The following LRP1B variants were observed in gnomAD, a reference collection of about 807,000 sequenced individuals.
The protein encoded by LRP1B is low-density lipoprotein receptor-related protein 1B.
In LRP1B, 217 loss-of-function variants were observed where a neutral mutation model predicts 556.6. That is an observed-to-expected ratio of 0.39 (90% CI 0.35 to 0.44). The LOEUF (loss-of-function observed/expected upper bound fraction) is 0.44, where lower values mean the gene tolerates loss of function less well. Among genes scored for constraint, LRP1B ranks in the 20% least tolerant of loss-of-function variants. The pLI is 1.00. For synonymous variants in LRP1B, 2,047 were observed against 1,865.8 expected (o/e 1.10, Z -2.50); for missense variants, 5,053 against 5,620.8 (o/e 0.90, Z 3.23).
intron 33 of LRP1B, among the ~76,000 whole-genome samples, chr2:140,775,070 T>C: frequency 6.6e-6 from 1 of 152,130 alleles, no homozygotes; most frequent in East Asian, 1.9e-4. Context: ...TCTAAAGTTA[T>C]TAATTTTTTA....
chr2:140,257,089 A>C (rs1451969299), intron 86 of LRP1B, among the ~76,000 whole-genome samples: 1 of 152,100 alleles, frequency 6.6e-6, no homozygotes. Flanking sequence ...TTCTTAAGCA[A>C]ATTTTGCTGG....
chr2:141,707,888 A>G (rs1692203938), intron 2 of LRP1B, among the ~76,000 whole-genome samples: 2 of 152,106 alleles, frequency 1.3e-5, no homozygotes, highest in Admixed American at 1.3e-4. Flanking sequence ...TAGGTGTTAC[A>G]TTTGTGTACT....
At chr2:140,306,044 A>G (rs1352171558) in intron 83 of LRP1B, among the ~76,000 whole-genome samples, 2 of 140,024 alleles carry the variant, frequency 1.4e-5, no homozygotes, top group African/African-American at 5.0e-5. Flanking sequence ...GTGCTGCTGG[A>G]TTTGGTTTGC....
At chr2:141,929,168 C>T (rs1362960641) in intron 1 of LRP1B, among the ~76,000 whole-genome samples, 2 of 152,036 alleles carry the variant, frequency 1.3e-5, no homozygotes, top group African/African-American at 4.8e-5. Flanking sequence ...GCTCCAGAGA[C>T]ACTCACATAT....
At chr2:141,138,650 A>C (rs765946949) in intron 7 of LRP1B, among the ~76,000 whole-genome samples, 1 of 151,918 alleles carries the variant, frequency 6.6e-6, no homozygotes, top group South Asian at 2.1e-4. Context: ...ATAGCATTGA[A>C]ATATGAATTT....
chr2:140,604,786 G>A (rs1044600075), intron 41 of LRP1B, among the ~76,000 whole-genome samples: 10 of 151,732 alleles, frequency 6.6e-5, no homozygotes, highest in Non-Finnish European at 1.3e-4. Flanking sequence ...CCAGTCGGGG[G>A]TAATTGAATC....
intron 41 of LRP1B, among the ~76,000 whole-genome samples, chr2:140,699,649 A>G (rs576801553): frequency 6.6e-6 from 1 of 151,658 alleles, no homozygotes; most frequent in Non-Finnish European, 1.5e-5. Context: ...GAATGACAGG[A>G]AAAAGGTTTC....
intron 66 of LRP1B, among the ~76,000 whole-genome samples, chr2:140,413,602 T>C (rs1386778446): frequency 2.6e-5 from 4 of 152,220 alleles, no homozygotes; most frequent in South Asian, 2.1e-4. Flanking sequence ...AAATTTCATA[T>C]ACCATTTTTT....
At chr2:140,552,598 C>A (rs1295405283) in intron 43 of LRP1B, among the ~76,000 whole-genome samples, 1 of 152,078 alleles carries the variant, frequency 6.6e-6, no homozygotes, top group East Asian at 1.9e-4. Flanking sequence ...TAAAACACTT[C>A]TATTAAAAGT....
intron 3 of LRP1B, among the ~76,000 whole-genome samples, chr2:141,279,460 G>A (rs964039675): frequency 2.6e-5 from 4 of 152,022 alleles, no homozygotes; most frequent in Non-Finnish European, 5.9e-5. Flanking sequence ...TTGCCTTCTA[G>A]AACAATTTAA....
At chr2:141,585,358 T>G (rs73965720) in intron 2 of LRP1B, among the ~76,000 whole-genome samples, 2,467 of 151,874 alleles carry the variant, frequency 0.016, 61 homozygotes, top group African/African-American at 0.057. Flanking sequence ...CCTTATTCAA[T>G]GCAAAATACT....
chr2:140,557,918 C>T (rs7589896), intron 43 of LRP1B, among the ~76,000 whole-genome samples: 16,479 of 152,086 alleles, frequency 0.11, 1,016 homozygotes, highest in Middle Eastern at 0.25. Flanking sequence ...TTCTTCTTGG[C>T]AGTAGGGATC....
At chr2:142,083,337 T>C (rs1040068695) in intron 1 of LRP1B, among the ~76,000 whole-genome samples, 3 of 152,196 alleles carry the variant, frequency 2.0e-5, no homozygotes, top group Non-Finnish European at 4.4e-5. Flanking sequence ...TTCCTCAGCT[T>C]ATTTCCAATT....
At chr2:141,414,631 A>G (rs1168789630) in intron 3 of LRP1B, among the ~76,000 whole-genome samples, 3 of 152,262 alleles carry the variant, frequency 2.0e-5, no homozygotes, top group Non-Finnish European at 4.4e-5. Flanking sequence ...GGGCTCTTTA[A>G]TTCTTGATCA....
At chr2:140,548,173 G>A (rs879467093) in intron 43 of LRP1B, among the ~76,000 whole-genome samples, 18 of 152,084 alleles carry the variant, frequency 1.2e-4, no homozygotes, top group Non-Finnish European at 2.4e-4. Flanking sequence ...ATTGTATTCA[G>A]ATATGAAGAG....
At chr2:140,748,114 TATATATATATATATATATATATAATTC>T (rs1256949364) in intron 35 of LRP1B, among the ~76,000 whole-genome samples, 6 of 132,578 alleles carry the variant, frequency 4.5e-5, no homozygotes, top group Non-Finnish European at 6.4e-5. Flanking sequence ...TATATATATA[TATATATATATATATATATATATAATTC>T]ATATATATGT....
In LRP1B at chr2:141,276,903, G is replaced by A. The variant is rs144611944; in HGVS notation, c.344-22262C>T. Among the ~76,000 whole-genome samples the A allele has an allele frequency of 1.7e-3, 255 of 152,122 alleles. 1 individual carries two copies. Among genetic ancestry groups the A allele is most frequent in the African/African-American group, 5.6e-3 (233 of 41,532 alleles). On this transcript the variant is annotated intron_variant, in intron 3 of 90. Coordinates refer to ENST00000389484, the MANE Select transcript of LRP1B (RefSeq NM_018557.3). The stretch of plus-strand genomic sequence containing the variant: ...GATCTCCTGACCTCGTGATCTGCCC[G>A]CCTCGGCCTCCCAGAGTGCTGGGAT...
intron 35 of LRP1B, among the ~76,000 whole-genome samples, chr2:140,725,690 TAAAAATAAATAA>T (rs1183097264): frequency 1.3e-5 from 2 of 151,232 alleles, no homozygotes; most frequent in East Asian, 1.9e-4. Context: ...ATAATAAAAA[TAAAAATAAATAA>T]AAAAATAAAT....
At chr2:141,952,571 G>A (rs1701136037) in intron 1 of LRP1B, among the ~76,000 whole-genome samples, 1 of 152,060 alleles carries the variant, frequency 6.6e-6, no homozygotes, top group Non-Finnish European at 1.5e-5. Context: ...GGGGGCTAAA[G>A]GCCTCCTTTT....
Sources: gnomAD v4.1 joint callset for allele counts (sites outside exome capture counted in the v4.1 genomes callset) on GRCh38, gnomAD v4.1.1 for gene constraint, MANE v1.5 for transcripts, NCBI Gene and HGNC (gene_info 2026-07-23, HGNC 2026-07-21) for gene names.